The following MAP3K6 variants were observed in gnomAD, a reference collection of about 807,000 sequenced individuals.
MAP3K6 encodes mitogen-activated protein kinase kinase kinase 6, also known as apoptosis signal-regulating kinase 2.
Under a neutral mutation model 147.1 loss-of-function variants are expected in MAP3K6, and 105 were observed. The observed-to-expected ratio is 0.71, with a 90% CI of 0.61 to 0.84. MAP3K6 has a LOEUF of 0.84. MAP3K6 is among the 40% of genes least tolerant of loss of function. The pLI is 0.00. For synonymous variants in MAP3K6, 695 were observed against 732.4 expected (o/e 0.95, Z 0.82); for missense variants, 1,569 against 1,715.0 (o/e 0.91, Z 1.50).
Position 27,364,029 on chromosome 1 carries a change from C to G in MAP3K6, c.752G>C (p.Ser251Thr). Reference protein sequence around the residue: ...RDIRQARERFSGPQLRQELAR... With the variant: ...RDIRQARERFTGPQLRQELAR... ...CAGCTCCTGCCGCAGCTGTGGCCCA[C>G]TGAACCGCTCCCGCGCCTGCCGGAT... The change falls in exon 5 of 29, where the codon AGT becomes ACT. Residue 251 changes from serine to threonine, a missense_variant. Coordinates refer to ENST00000357582, the MANE Select transcript of MAP3K6 (RefSeq NM_004672.5). This position sits in a 1 kb window ranked among gnomAD's most constrained non-coding sequence, Gnocchi z 4.4. 9 of 1,612,732 alleles carry G rather than the reference C, an allele frequency of 5.6e-6. No homozygotes were observed. The highest frequency in any genetic ancestry group is 7.6e-6 in the Non-Finnish European group (9 of 1,179,978).
rs1488520259 is a variant in MAP3K6, at chr1:27,358,277, G to A, written c.2819C>T (p.Thr940Ile). 6 of 1,607,590 alleles carry A rather than the reference G, an allele frequency of 3.7e-6. No homozygotes were observed. The highest frequency in any genetic ancestry group is 4.2e-6 in the Non-Finnish European group (5 of 1,178,336). The change falls in exon 21 of 29, where the codon ACC (threonine) becomes ATC (isoleucine). Residue 940 changes from threonine (T) to isoleucine (I), a missense_variant. Transcript: ENST00000357582. The surrounding 1 kb of genome is among the most constrained non-coding windows in gnomAD (Gnocchi z 6.2). ...AGGGCACGGGAATGTCTGAGACTGG[G>A]TGGTTGAGTTGGCTGAAGGAGTGGG... Reference protein sequence around the residue: ...ASPTPSANSTTQSQTFPCPQA... With the variant: ...ASPTPSANSTIQSQTFPCPQA...
intron 24 of MAP3K6, 76 bp downstream of exon 24, chr1:27,356,933 G>T: frequency 1.3e-6 from 2 of 1,502,456 alleles, no homozygotes; most frequent in Non-Finnish European, 1.8e-6. Context: ...GCCCCCACCG[G>T]CCCCATTCGA....
chr1:27,363,353 G>T, intron 6 of MAP3K6, 89 bp downstream of exon 6: 1 of 1,107,004 alleles, frequency 9.0e-7, no homozygotes, highest in Non-Finnish European at 1.3e-6. Flanking sequence ...GAACAGCAGT[G>T]ATCCCAGACA....
rs755796963 is a variant in MAP3K6 at position 27,357,203 on chromosome 1, G to A, written c.3259-89C>T. 697 of 1,343,422 alleles carry A rather than the reference G, an allele frequency of 5.2e-4. 2 individuals carry two copies. The highest frequency in any genetic ancestry group is 8.1e-4 in the South Asian group (65 of 80,420). The allele number at this position is 1,343,422 out of a possible 1,614,324, so 83.2% of individuals were successfully genotyped here. ...GAAAGGCCTAGAAAGTCTTCGGCGG[G>A]AGGCGAGTGGGGTGGGCGGGCTTGA... On this transcript the variant is annotated intron_variant, in intron 23 of 28. Transcript: ENST00000357582.
Position 27,360,689 on chromosome 1 carries a change from C to A in MAP3K6, c.2054+16G>T, listed in dbSNP as rs1259795182. On this transcript the variant is annotated intron_variant, in intron 15 of 28. Coordinates refer to ENST00000357582, the MANE Select transcript of MAP3K6 (RefSeq NM_004672.5). The surrounding 1 kb of genome is among the most constrained non-coding windows in gnomAD (Gnocchi z 4.5). Reference sequence around the variant, plus strand: ...TCGCGAGCCCTCAGCCCCACCCGCGCTGCCACGCACCGCACCTGCTGTCCC... The same window carrying A: ...TCGCGAGCCCTCAGCCCCACCCGCGATGCCACGCACCGCACCTGCTGTCCC... The A allele has an allele frequency of 3.7e-6, 6 of 1,606,288 alleles. No homozygotes were observed. In the South Asian group the frequency reaches 5.5e-5, roughly 15 times the overall value.
Position 27,360,817 on chromosome 1 carries a change from T to C in MAP3K6, c.1942A>G (p.Thr648Ala). 6.2e-7 allele frequency: 1 copy of C among 1,612,808 alleles called. No homozygotes were observed. The highest frequency in any genetic ancestry group is 8.5e-7 in the Non-Finnish European group (1 of 1,179,854). Residue 648 changes from threonine (T) to alanine (A), a missense_variant, in exon 15 of 29, where the codon ACG (threonine) becomes GCG (alanine). By Grantham distance (58) the Thr-to-Ala change is moderately conservative (BLOSUM62 0). Transcript: ENST00000357582. This position sits in a 1 kb window ranked among gnomAD's most constrained non-coding sequence, Gnocchi z 4.5. The part of the protein sequence containing the change: ...MLEFDYEYTE[T>A]GERLVLGKGT... The stretch of plus-strand genomic sequence containing the variant: ...TTGCCCAGCACCAGCCGCTCGCCCG[T>C]CTCCGTGTACTCATAATCAAACTGC...
chr1:27,355,304 C>G lies in MAP3K6; in HGVS notation c.*87G>C, dbSNP rs2015478538. 7.7e-7 allele frequency: 1 copy of G among 1,303,772 alleles called. No individual in the cohort carries two copies. The highest frequency in any genetic ancestry group is 1.7e-5 in the Admixed American group (1 of 59,566). 80.8% of individuals were successfully genotyped at this position (1,303,772 alleles called of 1,614,324 possible). A position where few individuals can be genotyped will look rare whatever the true frequency, so the allele number is the denominator to read the frequency against. ...TGGCTTCCTCCAGTCGCCCCAGGTCCTGGGGCTGGTGTGTCAGAAGCTGCC... is the reference window on the plus strand; with the variant it reads ...TGGCTTCCTCCAGTCGCCCCAGGTCGTGGGGCTGGTGTGTCAGAAGCTGCC... On this transcript the variant is annotated 3_prime_UTR_variant, in exon 29 of 29. Transcript: ENST00000357582.
Position 27,364,686 on chromosome 1 carries a change from T to C in MAP3K6, c.481-2A>G, listed in dbSNP as rs781712738. The C allele has an allele frequency of 6.2e-7, 1 of 1,614,166 alleles. No individual in the cohort carries two copies. The highest frequency in any genetic ancestry group is 1.7e-5 in the Admixed American group (1 of 60,026). On this transcript the variant is annotated splice_acceptor_variant, in intron 2 of 28. Transcript: ENST00000357582. LOFTEE classifies it high-confidence loss of function. This position sits in a 1 kb window ranked among gnomAD's most constrained non-coding sequence, Gnocchi z 4.4. ...CGAGTTCTTCTGGAAAACATCCTCC[T>C]GCAGGAGGCAGACAGTCAGATACTG...
In MAP3K6 at chr1:27,355,683, G is replaced by C; in HGVS notation, c.3774C>G (p.Ile1258Met). The change falls in exon 28 of 29, where the codon ATC (isoleucine) becomes ATG (methionine). Residue 1258 changes from isoleucine to methionine, a missense_variant. Coordinates refer to ENST00000357582, the MANE Select transcript of MAP3K6 (RefSeq NM_004672.5). Reference protein sequence around the residue: ...LLTYATRDDLIYTRIRGGMVC... With the variant: ...LLTYATRDDLMYTRIRGGMVC... ...CCAGGATGTACCTGATGCGGGTGTA[G>C]ATGAGGTCATCTCGAGTGGCATAGG... The C allele has an allele frequency of 6.2e-7, 1 of 1,613,674 alleles. No individual in the cohort carries two copies. Among genetic ancestry groups the C allele is most frequent in the Non-Finnish European group, 8.5e-7 (1 of 1,179,982 alleles).
chr1:27,356,792 G>T, intron 24 of MAP3K6, 43 bp from the exon 25 acceptor site: 1 of 1,525,004 alleles, frequency 6.6e-7, no homozygotes, highest in Non-Finnish European at 8.8e-7. Context: ...TACAACGCCC[G>T]TTTGGGAACC....
chr1:27,357,420 G>A lies in MAP3K6; in HGVS notation c.3238C>T (p.Leu1080=), dbSNP rs749573307. The A allele has an allele frequency of 7.5e-6, 12 of 1,595,196 alleles. No individual in the cohort carries two copies. In the South Asian group the frequency reaches 1.2e-4, roughly 16 times the overall value. Residue 1080 remains leucine, a synonymous_variant, in exon 23 of 29, where the codon CTG becomes TTG. Coordinates refer to ENST00000357582, the MANE Select transcript of MAP3K6 (RefSeq NM_004672.5). ...GLGPALLHRP[L]FAFPDAVKQI... ...CTCACCGCATCCGGGAAGGCAAACAGCGGTCTGTGCAGAAGCGCAGGCCCA... is the reference window on the plus strand; with the variant it reads ...CTCACCGCATCCGGGAAGGCAAACAACGGTCTGTGCAGAAGCGCAGGCCCA...
rs1407309111 is a variant in MAP3K6 at position 27,358,726 on chromosome 1, G to A, written c.2566C>T (p.Gln856Ter). ...RPPFHELGSPQAAMFQVGMYK... is the reference protein window; with the variant it reads ...RPPFHELGSP ...GGTCTCACCTGAAACATGGCAGCCT[G>A]TGGGCTCCCGAGCTCGTGGAAGGGG... The change falls in exon 19 of 29, where the codon CAG becomes TAG. Residue 856 changes from glutamine to a stop codon, truncating the protein, a stop_gained. Coordinates refer to ENST00000357582, the MANE Select transcript of MAP3K6 (RefSeq NM_004672.5). LOFTEE classifies it high-confidence loss of function. This position sits in a 1 kb window ranked among gnomAD's most constrained non-coding sequence, Gnocchi z 6.2. The A allele has an allele frequency of 2.5e-6, 4 of 1,613,808 alleles. No individual in the cohort carries two copies. Among genetic ancestry groups the A allele is most frequent in the Non-Finnish European group, 2.5e-6 (3 of 1,180,008 alleles).
chr1:27,357,616 C>T lies in MAP3K6; in HGVS notation c.3082-40G>A, dbSNP rs1377029941. The T allele has an allele frequency of 3.1e-6, 5 of 1,592,610 alleles. No individual in the cohort carries two copies. The African/African-American group carries it at 5.4e-5, about 17-fold the overall frequency. ...AGGGGTTGTCAGCGAGTGCTCCAGC[C>T]AAAAGAGACGCTGCCGCGGAGGTAG... is the stretch of plus-strand genomic sequence containing the variant. On this transcript the variant is annotated intron_variant, in intron 22 of 28. Coordinates refer to ENST00000357582, the MANE Select transcript of MAP3K6 (RefSeq NM_004672.5).
chr1:27,358,412 C>A lies in MAP3K6; in HGVS notation c.2776+7G>T. On this transcript the variant is annotated splice_region_variant and intron_variant, in intron 20 of 28. Transcript: ENST00000357582. This position sits in a 1 kb window ranked among gnomAD's most constrained non-coding sequence, Gnocchi z 6.2. ...TCCACTGTGCCCATCCCGCCACCCG[C>A]AAGCACCTGAGGGCCGTGGAGCATG... 6.3e-7 allele frequency: 1 copy of A among 1,583,058 alleles called. No homozygotes were observed.
At chr1:27,362,460 G>A (rs1191538955) in intron 8 of MAP3K6, among the ~76,000 whole-genome samples, 181 bp downstream of exon 8, 4 of 152,148 alleles carry the variant, frequency 2.6e-5, no homozygotes, top group Non-Finnish European at 5.9e-5. Context: ...GAACATTTGT[G>A]GGTTTGAGGG....
chr1:27,357,936 T>C, intron 21 of MAP3K6, 60 bp from the exon 22 acceptor site: 1 of 1,509,786 alleles, frequency 6.6e-7, no homozygotes, highest in South Asian at 1.2e-5. Context: ...TCACCTCTGT[T>C]GCCGGGTTTG....
At position 27,359,910 on chromosome 1, in the gene MAP3K6, A is replaced by G. The variant is rs2015681296; in HGVS notation, c.2267T>C (p.Leu756Pro). 1.2e-6 allele frequency: 2 copies of G among 1,614,158 alleles called. No individual in the cohort carries two copies. Among genetic ancestry groups the G allele is most frequent in the Non-Finnish European group, 1.7e-6 (2 of 1,180,016 alleles). Residue 756 changes from leucine to proline, a missense_variant, in exon 17 of 29, where the codon CTG becomes CCG. Physicochemically the swap from Leu to Pro is moderately conservative, Grantham distance 98. Coordinates refer to ENST00000357582, the MANE Select transcript of MAP3K6 (RefSeq NM_004672.5). This position sits in a 1 kb window ranked among gnomAD's most constrained non-coding sequence, Gnocchi z 4.4. ...STISFYTRQI[L>P]QGLGYLHDNH... ...GTCGTGCAAGTAGCCAAGTCCCTGC[A>G]GGATCTGGCGGGTGTAGAAACTGAT... is the stretch of plus-strand genomic sequence containing the variant.
At chr1:27,361,484 G>A (rs1323658589) in intron 11 of MAP3K6, 36 bp downstream of exon 11, 13 of 1,612,580 alleles carry the variant, frequency 8.1e-6, no homozygotes, top group Non-Finnish European at 1.1e-5. Context: ...AAAGGTCCTA[G>A]CAAAGGTGAG....
intron 1 of MAP3K6, among the ~76,000 whole-genome samples, chr1:27,365,371 C>T (rs904218901): frequency 6.6e-6 from 1 of 152,136 alleles, no homozygotes; most frequent in Non-Finnish European, 1.5e-5. Flanking sequence ...CTGACTGTAT[C>T]TGTGTGTGTG....
Sources: allele counts gnomAD v4.1 joint callset (sites outside exome capture counted in the v4.1 genomes callset), GRCh38; gene constraint gnomAD v4.1.1; non-coding constraint Gnocchi (gnomAD v3.1); transcripts MANE v1.5; gene names NCBI Gene and HGNC (gene_info 2026-07-23, HGNC 2026-07-21).